The following SYTL3 variants were observed in gnomAD, a reference collection of about 807,000 sequenced individuals.
SYTL3 encodes synaptotagmin like 3.
SYTL3 carries 88 observed loss-of-function variants against 82.1 expected under a neutral mutation model. The observed-to-expected ratio is 1.07, with a 90% CI of 0.90 to 1.28. The LOEUF (loss-of-function observed/expected upper bound fraction) is 1.28. SYTL3 is among the 50% of genes most tolerant of loss of function. SYTL3 has a pLI of 0.00. For synonymous variants in SYTL3, 311 were observed against 289.4 expected (o/e 1.07, Z -0.76); for missense variants, 831 against 757.6 (o/e 1.10, Z -1.14).
intron 11 of SYTL3, among the ~76,000 whole-genome samples, chr6:158,744,192 C>A (rs543804869): frequency 3.3e-5 from 5 of 151,174 alleles, no homozygotes; most frequent in Admixed American, 1.3e-4. Context: ...GCTGGGATTA[C>A]AAGGGTGAGC....
chr6:158,733,003 TAA>T (rs1785616563), intron 11 of SYTL3, among the ~76,000 whole-genome samples: 1 of 150,538 alleles, frequency 6.6e-6, no homozygotes, highest in African/African-American at 2.4e-5. Context: ...TTGTAGAAAG[TAA>T]AAAGTTTCCT....
chr6:158,656,240 T>C (rs1173664146), intron 2 of SYTL3, among the ~76,000 whole-genome samples: 4 of 152,076 alleles, frequency 2.6e-5, no homozygotes, highest in Admixed American at 2.6e-4. Flanking sequence ...GGCCTGGCGG[T>C]GGCGTCTCAG....
At chr6:158,652,342 G>A (rs549905941) in intron 2 of SYTL3, among the ~76,000 whole-genome samples, 7 of 151,918 alleles carry the variant, frequency 4.6e-5, no homozygotes, top group East Asian at 1.9e-4. Context: ...TCTGCCTCCC[G>A]GGTTAACACC....
intron 10 of SYTL3, among the ~76,000 whole-genome samples, chr6:158,721,215 G>T (rs538318071): frequency 2.0e-5 from 3 of 152,028 alleles, no homozygotes; most frequent in African/African-American, 7.2e-5. Flanking sequence ...TGGCTGGGTT[G>T]GTTTCTTTGT....
chr6:158,749,507 CTTTTT>C (rs765386344), intron 12 of SYTL3, among the ~76,000 whole-genome samples: 6 of 66,024 alleles, frequency 9.1e-5, no homozygotes, highest in South Asian at 6.4e-4. Flanking sequence ...TTCTTTCTCT[CTTTTT>C]TTTTTTTTTT....
intron 12 of SYTL3, among the ~76,000 whole-genome samples, chr6:158,747,876 ATTAG>A (rs1481475804): frequency 6.6e-6 from 1 of 151,896 alleles, no homozygotes; most frequent in East Asian, 1.9e-4. Context: ...AAAATTATTT[ATTAG>A]TTATATGTAT....
chr6:158,680,575 C>CAAAAAAAAAAAA lies in SYTL3; in HGVS notation c.330-2342_330-2331dup, dbSNP rs71297002. The stretch of plus-strand genomic sequence containing the variant: ...GCAACATAGCAAAACCCCGTCTCTA[C>CAAAAAAAAAAAA]AAAAAAAAAAAAAAAAAAACACAAA... On this transcript the variant is annotated intron_variant, in intron 5 of 17. Transcript: ENST00000611299. Among the ~76,000 whole-genome samples, 109 of 78,128 alleles carry CAAAAAAAAAAAA rather than the reference C, an allele frequency of 1.4e-3. 1 individual carries two copies. Among genetic ancestry groups the CAAAAAAAAAAAA allele is most frequent in the Non-Finnish European group, 2.0e-3 (75 of 37,694 alleles). 51.3% of individuals were successfully genotyped at this position (78,128 alleles called of 152,430 possible).
intron 5 of SYTL3, among the ~76,000 whole-genome samples, chr6:158,681,274 C>T (rs1778660840): frequency 6.6e-6 from 1 of 152,070 alleles, no homozygotes; most frequent in Non-Finnish European, 1.5e-5. Context: ...CCCAGAAAAC[C>T]AAGAGGAAAA....
In SYTL3 at chr6:158,713,826, A is replaced by T; in HGVS notation, c.543A>T (p.Gly181=). ...GRLQEFGQFR[G]FNKSVENLFL... ...TACAGGAATTTGGTCAGTTTAGAGG[A>T]TTTAATAAGTCCGTGGAAAATTTGT... Residue 181 remains glycine, a synonymous_variant, in exon 9 of 18, where the codon GGA becomes GGT. Transcript: ENST00000611299. 1 of 1,550,486 alleles carries T rather than the reference A, an allele frequency of 6.4e-7. No homozygotes were observed. Among genetic ancestry groups the T allele is most frequent in the Non-Finnish European group, 8.7e-7 (1 of 1,146,428 alleles).
chr6:158,699,673 TGTG>T (rs987987597), intron 6 of SYTL3, among the ~76,000 whole-genome samples: 1 of 152,012 alleles, frequency 6.6e-6, no homozygotes, highest in African/African-American at 2.4e-5. Flanking sequence ...TTGGGCCAGG[TGTG>T]GTGGCTCATG....
In SYTL3 at chr6:158,724,786, A is replaced by G. The variant is rs371222956; in HGVS notation, c.721-717A>G. ...TCCCAGCACTTTGGAAGGCTGAGGCATGTGGATCACTTGAGGTCAGGAGTT... is the reference window on the plus strand; with the variant it reads ...TCCCAGCACTTTGGAAGGCTGAGGCGTGTGGATCACTTGAGGTCAGGAGTT... On this transcript the variant is annotated intron_variant, in intron 10 of 17. Transcript: ENST00000611299. 3.0e-4 allele frequency among the ~76,000 whole-genome samples: 46 copies of G among 152,356 alleles called. 2 individuals carry two copies. Among genetic ancestry groups the G allele is most frequent in the African/African-American group, 9.1e-4 (38 of 41,584 alleles).
At position 158,745,526 on chromosome 6, in the gene SYTL3, T is replaced by C; in HGVS notation, c.902T>C (p.Phe301Ser). 1.2e-6 allele frequency: 2 copies of C among 1,613,558 alleles called. No individual in the cohort carries two copies. Among genetic ancestry groups the C allele is most frequent in the Non-Finnish European group, 1.7e-6 (2 of 1,179,898 alleles). Reference sequence around the variant, plus strand: ...AGCACCTGTACAGAGATGGGCAATTTTGACAATGCTAATGTCACTGGAGAA... The same window carrying C: ...AGCACCTGTACAGAGATGGGCAATTCTGACAATGCTAATGTCACTGGAGAA... ...IDSTCTEMGN[F>S]DNANVTGEIE... The change falls in exon 12 of 18, where the codon TTT (phenylalanine) becomes TCT (serine). Residue 301 changes from phenylalanine (F) to serine (S), a missense_variant. Coordinates refer to ENST00000611299, the MANE Select transcript of SYTL3 (RefSeq NM_001242394.2).
chr6:158,686,006 G>A (rs566221298), intron 6 of SYTL3, among the ~76,000 whole-genome samples: 1 of 152,238 alleles, frequency 6.6e-6, no homozygotes. Context: ...AGTTTTCTAC[G>A]TCGTTAGAAG....
rs774253287 is a variant in SYTL3 at position 158,762,178 on chromosome 6, G to T, written c.1517G>T (p.Gly506Val). 1.2e-5 allele frequency: 19 copies of T among 1,606,960 alleles called. No homozygotes were observed. The highest frequency in any genetic ancestry group is 2.2e-5 in the South Asian group (2 of 90,910). ...PDGTLNSFVK[G>V]CLTLPDQQKL... is the part of the protein sequence containing the mutation. ...GGCACCTTGAACTCATTTGTTAAGGGGTAGGTATTCGATGTAATCAAATAT... is the reference window on the plus strand; with the variant it reads ...GGCACCTTGAACTCATTTGTTAAGGTGTAGGTATTCGATGTAATCAAATAT... Residue 506 changes from glycine (G) to valine (V), a missense_variant and splice_region_variant, in exon 16 of 18, where the codon GGC becomes GTC. Coordinates refer to ENST00000611299, the MANE Select transcript of SYTL3 (RefSeq NM_001242394.2).
At chr6:158,652,660 G>A (rs1316607762) in intron 2 of SYTL3, among the ~76,000 whole-genome samples, 3 of 152,088 alleles carry the variant, frequency 2.0e-5, no homozygotes, top group Non-Finnish European at 1.5e-5. Context: ...TTCTGTCTCA[G>A]CTTCCCGAGT....
At chr6:158,731,438 T>G (rs1785401201) in intron 11 of SYTL3, among the ~76,000 whole-genome samples, 1 of 152,022 alleles carries the variant, frequency 6.6e-6, no homozygotes, top group African/African-American at 2.4e-5. Flanking sequence ...TACCTTGTGC[T>G]GCTAACCACC....
At chr6:158,702,928 A>G (rs1487697318) in intron 6 of SYTL3, among the ~76,000 whole-genome samples, 4 of 152,038 alleles carry the variant, frequency 2.6e-5, no homozygotes, top group Admixed American at 1.3e-4. Flanking sequence ...GCCGAGGCGG[A>G]CGAATCACAA....
At chr6:158,717,257 G>C (rs1431345168) in intron 9 of SYTL3, among the ~76,000 whole-genome samples, 1 of 152,000 alleles carries the variant, frequency 6.6e-6, no homozygotes, top group Non-Finnish European at 1.5e-5. Context: ...CTGGGCAACA[G>C]AGTGAGACTC....
intron 6 of SYTL3, among the ~76,000 whole-genome samples, chr6:158,694,295 CT>C (rs968405747): frequency 3.4e-5 from 5 of 148,470 alleles, no homozygotes; most frequent in Admixed American, 6.7e-5. Flanking sequence ...TGATTTTATT[CT>C]TTTTTTTTTC....
Sources: allele counts gnomAD v4.1 joint callset (sites outside exome capture counted in the v4.1 genomes callset), GRCh38; gene constraint gnomAD v4.1.1; transcripts MANE v1.5; gene names NCBI Gene and HGNC (gene_info 2026-07-23, HGNC 2026-07-21).